Variants in LZTFL1 observed in about 807,000 individuals in gnomAD.
LZTFL1 encodes the protein leucine zipper transcription factor-like protein 1.
In LZTFL1, 25 loss-of-function variants were observed where a neutral mutation model predicts 45.9. The observed-to-expected ratio is 0.54, with a 90% CI of 0.40 to 0.76. LZTFL1 has a LOEUF of 0.76. Among genes scored for constraint, LZTFL1 ranks in the 30% least tolerant of loss-of-function variants. The probability of loss-of-function intolerance (pLI) is 0.00; values close to 1 mark genes in which losing one functional copy is unlikely to be tolerated. For missense variants in LZTFL1, 277 were observed against 331.1 expected (o/e 0.84, Z 1.27); for synonymous variants, 93 against 117.4 (o/e 0.79, Z 1.35).
rs761921065 is a variant in LZTFL1 at position 45,863,613 on chromosome 3, G to A, written c.-214-4597C>T. On this transcript the variant is annotated intron_variant, in intron 2 of 4. Transcript: ENST00000472635. ...CCGATGTCACAGCATCCCCTGTGAC[G>A]CAGTCTAGCCAAAGATGTTTAACTT... Among the ~76,000 whole-genome samples, 6 of 152,174 alleles carry A rather than the reference G, an allele frequency of 3.9e-5. No individual in the cohort carries two copies. The South Asian group carries it at 8.3e-4, about 21-fold the overall frequency.
At chr3:45,894,694 A>G (rs890800701) in intron 2 of LZTFL1, among the ~76,000 whole-genome samples, 1 of 152,222 alleles carries the variant, frequency 6.6e-6, no homozygotes, top group Admixed American at 6.5e-5. Context: ...AAAGAAGTGA[A>G]TGATAACTTC....
chr3:45,899,940 T>C (rs1702493104), intron 2 of LZTFL1, among the ~76,000 whole-genome samples: 1 of 152,106 alleles, frequency 6.6e-6, no homozygotes. Flanking sequence ...TGCGCATATA[T>C]GTGTGTATAT....
chr3:45,913,254 G>A (rs1242090069), intron 1 of LZTFL1: 1 of 1,064,126 alleles, frequency 9.4e-7, no homozygotes, highest in Non-Finnish European at 1.4e-6. Flanking sequence ...GCAATGAGCT[G>A]ATCTTTCTCT....
chr3:45,914,820 C>T (rs560161610), intron 1 of LZTFL1, among the ~76,000 whole-genome samples: 2 of 152,308 alleles, frequency 1.3e-5, no homozygotes, highest in African/African-American at 4.8e-5. Flanking sequence ...CACTGGTCAC[C>T]TTCAGGGCAT....
intron 2 of LZTFL1, among the ~76,000 whole-genome samples, chr3:45,868,584 C>T (rs1363308252): frequency 6.6e-6 from 1 of 152,114 alleles, no homozygotes; most frequent in Admixed American, 6.5e-5. Flanking sequence ...AAATAATAGC[C>T]TCTCATTTTA....
chr3:45,870,619 C>A (rs1396179581), intron 2 of LZTFL1, among the ~76,000 whole-genome samples: 1 of 152,138 alleles, frequency 6.6e-6, no homozygotes, highest in Non-Finnish European at 1.5e-5. Context: ...AATACAAAGC[C>A]TACTTAACAT....
intron 2 of LZTFL1, among the ~76,000 whole-genome samples, chr3:45,904,595 T>C (rs949715890): frequency 7.9e-5 from 12 of 152,228 alleles, no homozygotes; most frequent in Non-Finnish European, 1.8e-4. Context: ...GTGAGCTCCT[T>C]CCATTTTGGT....
upstream of LZTFL1, among the ~76,000 whole-genome samples, chr3:45,846,721 G>A (rs1425654734): frequency 6.6e-6 from 1 of 151,948 alleles, no homozygotes; most frequent in Non-Finnish European, 1.5e-5. Flanking sequence ...TTTTGAATAG[G>A]TTGAGGAGGA....
chr3:45,840,985 A>G (rs1236439415), intron 1 of LZTFL1, among the ~76,000 whole-genome samples: 1 of 152,248 alleles, frequency 6.6e-6, no homozygotes, highest in Non-Finnish European at 1.5e-5. Context: ...GAAGAACCTG[A>G]GCCTGATTCC....
chr3:45,866,937 C>G (rs979167327), intron 2 of LZTFL1, among the ~76,000 whole-genome samples: 2 of 152,118 alleles, frequency 1.3e-5, no homozygotes, highest in African/African-American at 2.4e-5. Flanking sequence ...CACTTGAGGT[C>G]AGGAGTTCGA....
rs776333679 is a variant in LZTFL1 at position 45,835,815 on chromosome 3, G to C, written c.129-31C>G. On this transcript the variant is annotated intron_variant, in intron 2 of 9. Coordinates refer to ENST00000296135, the MANE Select transcript of LZTFL1 (RefSeq NM_020347.4). ...AAACAACCATGATCCAAAACTTATA[G>C]AAAAACAACAAGAAAAATCTACAAA... 3 of 1,508,624 alleles carry C rather than the reference G, an allele frequency of 2.0e-6. No homozygotes were observed. The South Asian group carries it at 3.8e-5, about 19-fold the overall frequency. The allele number at this position is 1,508,624 out of a possible 1,614,324, so 93.5% of individuals were successfully genotyped here. A position where few individuals can be genotyped will look rare whatever the true frequency, so the allele number is the denominator to read the frequency against.
chr3:45,873,376 T>C (rs1701700209), intron 2 of LZTFL1, among the ~76,000 whole-genome samples: 1 of 152,266 alleles, frequency 6.6e-6, no homozygotes, highest in Non-Finnish European at 1.5e-5. Context: ...CTTCATTTAT[T>C]TCCTGCAATA....
intron 2 of LZTFL1, among the ~76,000 whole-genome samples, chr3:45,861,563 A>C (rs566697474): frequency 6.6e-6 from 1 of 152,188 alleles, no homozygotes; most frequent in African/African-American, 2.4e-5. Context: ...GCGATGATGC[A>C]TTATAGCATT....
At chr3:45,862,925 T>C (rs1701514577) in intron 2 of LZTFL1, among the ~76,000 whole-genome samples, 1 of 152,234 alleles carries the variant, frequency 6.6e-6, no homozygotes, top group Non-Finnish European at 1.5e-5. Flanking sequence ...TCTAGGAAAG[T>C]AGTTCTTTCC....
intron 2 of LZTFL1, among the ~76,000 whole-genome samples, chr3:45,859,851 G>A (rs1169349094): frequency 2.0e-5 from 3 of 151,986 alleles, no homozygotes. Context: ...TGGCCAGGCT[G>A]GTCCTGAACT....
At chr3:45,886,770 TG>T (rs1701992168) in intron 2 of LZTFL1, 1 of 152,248 alleles carries the variant, frequency 6.6e-6, no homozygotes, top group Non-Finnish European at 1.5e-5. Context: ...TCAGAGGTCA[TG>T]GGCACCAGGC....
At chr3:45,888,572 A>G (rs1702052253) in intron 2 of LZTFL1, among the ~76,000 whole-genome samples, 1 of 152,212 alleles carries the variant, frequency 6.6e-6, no homozygotes, top group Non-Finnish European at 1.5e-5. Flanking sequence ...CACCTGCAAC[A>G]AGGCCTCACT....
At chr3:45,904,628 A>G (rs992017791) in intron 2 of LZTFL1, among the ~76,000 whole-genome samples, 1 of 152,232 alleles carries the variant, frequency 6.6e-6, no homozygotes, top group African/African-American at 2.4e-5. Flanking sequence ...CCCCCAGGCC[A>G]TCGCCATTGC....
chr3:45,834,180 C>T, intron 4 of LZTFL1, 58 bp downstream of exon 4: 1 of 957,078 alleles, frequency 1.0e-6, no homozygotes, highest in Non-Finnish European at 1.6e-6. Context: ...CTTTGAGCAA[C>T]TTGAGGATTT....
Sources: gnomAD v4.1 joint callset for allele counts (sites outside exome capture counted in the v4.1 genomes callset) on GRCh38, gnomAD v4.1.1 for gene constraint, MANE v1.5 for transcripts, NCBI Gene and HGNC (gene_info 2026-07-23, HGNC 2026-07-21) for gene names.